FHIT: variants seen among roughly 807,000 people sequenced by gnomAD.
FHIT encodes the protein fragile histidine triad diadenosine triphosphatase.
A neutral mutation model predicts 17.9 loss-of-function variants in FHIT; 19 were observed. The ratio of observed to expected loss-of-function variants is 1.06; its 90% CI spans 0.74 to 1.56. FHIT has a LOEUF of 1.56. FHIT is among the 40% of genes most tolerant of loss of function. The probability of loss-of-function intolerance (pLI) is 0.00; values close to 1 mark genes in which losing one functional copy is unlikely to be tolerated. For missense variants in FHIT, 248 were observed against 189.2 expected (o/e 1.31, Z -1.82); for synonymous variants, 81 against 69.7 (o/e 1.16, Z -0.81).
chr3:60,972,493 G>C (rs1208511360), intron 3 of FHIT, among the ~76,000 whole-genome samples: 1 of 150,292 alleles, frequency 6.7e-6, no homozygotes, highest in East Asian at 1.9e-4. Context: ...ATGCTTTTAA[G>C]ATGCATTTAT....
At chr3:61,203,179 C>CAAAAAAAAA (rs397876939) in intron 1 of FHIT, among the ~76,000 whole-genome samples, 22 of 86,328 alleles carry the variant, frequency 2.5e-4, no homozygotes, top group African/African-American at 9.5e-4. Flanking sequence ...GACTCCGTCT[C>CAAAAAAAAA]AAAAAAAAAA....
chr3:60,235,794 G>C (rs1309754940), intron 5 of FHIT, among the ~76,000 whole-genome samples: 1 of 152,160 alleles, frequency 6.6e-6, no homozygotes, highest in Non-Finnish European at 1.5e-5. Context: ...AAACAGGTTA[G>C]TTCTCACAGG....
chr3:59,760,873 T>G (rs1286700161), intron 8 of FHIT, among the ~76,000 whole-genome samples: 3 of 151,192 alleles, frequency 2.0e-5, no homozygotes, highest in Non-Finnish European at 2.9e-5. Context: ...CTGTCTGGAG[T>G]GTAGTGGCCA....
chr3:61,226,618 A>G (rs1576261005), intron 1 of FHIT, among the ~76,000 whole-genome samples: 1 of 152,320 alleles, frequency 6.6e-6, no homozygotes, highest in Non-Finnish European at 1.5e-5. Context: ...ACTTTAAAAC[A>G]GAATGTCAAC....
At chr3:60,242,219 T>G (rs1030887272) in intron 5 of FHIT, among the ~76,000 whole-genome samples, 10 of 152,148 alleles carry the variant, frequency 6.6e-5, no homozygotes, top group African/African-American at 9.7e-5. Flanking sequence ...CACATGGTAT[T>G]AAATAGATTT....
chr3:59,907,523 T>A (rs770603270), intron 8 of FHIT, among the ~76,000 whole-genome samples: 9 of 151,040 alleles, frequency 6.0e-5, no homozygotes, highest in Non-Finnish European at 1.2e-4. Flanking sequence ...TAAAATAGAG[T>A]TTCAAGCTGG....
intron 4 of FHIT, among the ~76,000 whole-genome samples, chr3:60,637,189 GGA>G (rs2039610148): frequency 6.6e-6 from 1 of 152,160 alleles, no homozygotes; most frequent in Non-Finnish European, 1.5e-5. Flanking sequence ...CACTTGGGTA[GGA>G]GACATTTCAT....
At position 60,027,140 on chromosome 3, in the gene FHIT, C is replaced by CAG. The variant is rs1209851135; in HGVS notation, c.104-12989_104-12988insCT. Among the ~76,000 whole-genome samples the CAG allele has an allele frequency of 4.1e-3, 479 of 116,768 alleles. 7 individuals are homozygous for CAG. Among genetic ancestry groups the CAG allele is most frequent in the African/African-American group, 0.018 (452 of 25,530 alleles). 76.6% of individuals were successfully genotyped at this position (116,768 alleles called of 152,430 possible). A position where few individuals can be genotyped will look rare whatever the true frequency, so the allele number is the denominator to read the frequency against. Reference sequence around the variant, plus strand: ...ACACACACACACACACACACACACACACACACACAAAATTAGTAAACCCAA... The same window carrying CAG: ...ACACACACACACACACACACACACACAGACACACACAAAATTAGTAAACCCAA... On this transcript the variant is annotated intron_variant, in intron 5 of 9. Coordinates refer to ENST00000492590, the MANE Select transcript of FHIT (RefSeq NM_002012.4).
chr3:59,932,248 A>C (rs1380900782), intron 7 of FHIT, among the ~76,000 whole-genome samples: 1 of 151,712 alleles, frequency 6.6e-6, no homozygotes, highest in African/African-American at 2.4e-5. Flanking sequence ...TAGGCACTGG[A>C]TAAACCCAGG....
At chr3:59,896,746 T>G (rs1389104708) in intron 8 of FHIT, among the ~76,000 whole-genome samples, 1 of 152,216 alleles carries the variant, frequency 6.6e-6, no homozygotes, top group African/African-American at 2.4e-5. Context: ...AAGTGTGTTT[T>G]CCTTTTATAA....
At chr3:60,845,192 A>G (rs1559766277) in intron 3 of FHIT, among the ~76,000 whole-genome samples, 1 of 152,054 alleles carries the variant, frequency 6.6e-6, no homozygotes, top group East Asian at 1.9e-4. Context: ...CAAGCTTTCC[A>G]TTTCCCCACA....
At chr3:59,895,884 G>A (rs772420140) in intron 8 of FHIT, among the ~76,000 whole-genome samples, 1 of 151,660 alleles carries the variant, frequency 6.6e-6, no homozygotes, top group Non-Finnish European at 1.5e-5. Context: ...CAATCATAGC[G>A]GTCATCTTCC....
At chr3:59,999,280 T>C (rs1699635753) in intron 7 of FHIT, among the ~76,000 whole-genome samples, 1 of 152,010 alleles carries the variant, frequency 6.6e-6, no homozygotes, top group South Asian at 2.1e-4. Flanking sequence ...GATTTAATGC[T>C]AAAAAGAAAG....
chr3:61,088,984 T>C (rs990893076), intron 2 of FHIT, among the ~76,000 whole-genome samples: 7 of 152,110 alleles, frequency 4.6e-5, no homozygotes, highest in African/African-American at 1.7e-4. Context: ...AAGATTAGGA[T>C]GGAGGTAGAA....
chr3:60,826,035 T>C (rs1702100245), intron 3 of FHIT, among the ~76,000 whole-genome samples: 1 of 152,126 alleles, frequency 6.6e-6, no homozygotes, highest in Non-Finnish European at 1.5e-5. Flanking sequence ...CAAAAACGGA[T>C]ACTCGTTTTG....
intron 5 of FHIT, among the ~76,000 whole-genome samples, chr3:60,192,243 T>C (rs999196134): frequency 9.7e-6 from 1 of 102,954 alleles, no homozygotes; most frequent in Non-Finnish European, 1.9e-5. Flanking sequence ...AGAGCAACAC[T>C]ATGTCTCAAA....
intron 5 of FHIT, among the ~76,000 whole-genome samples, chr3:60,360,948 A>C (rs889596543): frequency 2.6e-5 from 4 of 152,192 alleles, no homozygotes; most frequent in Non-Finnish European, 5.9e-5. Flanking sequence ...TGAATTATTG[A>C]AAAAGCCTTC....
chr3:61,105,656 C>A (rs1160410588), intron 2 of FHIT, among the ~76,000 whole-genome samples: 4 of 152,166 alleles, frequency 2.6e-5, no homozygotes, highest in Non-Finnish European at 5.9e-5. Flanking sequence ...CCCATCCCAA[C>A]CACCTATTTT....
At chr3:60,189,809 T>G (rs1003159721) in intron 5 of FHIT, among the ~76,000 whole-genome samples, 1 of 152,216 alleles carries the variant, frequency 6.6e-6, no homozygotes, top group Non-Finnish European at 1.5e-5. Context: ...CTGATGAAAG[T>G]TAAATTCTAA....
Sources: allele counts gnomAD v4.1 joint callset (sites outside exome capture counted in the v4.1 genomes callset), GRCh38; gene constraint gnomAD v4.1.1; transcripts MANE v1.5; gene names NCBI Gene and HGNC (gene_info 2026-07-23, HGNC 2026-07-21).